Variants in PIBF1 observed in about 807,000 individuals in gnomAD.
The protein encoded by PIBF1 is progesterone-induced-blocking factor 1.
Under a neutral mutation model 112.5 loss-of-function variants are expected in PIBF1, and 90 were observed. The observed-to-expected ratio is 0.80, with a 90% CI of 0.67 to 0.95. The LOEUF is 0.95. Among genes scored for constraint, PIBF1 ranks in the 40% least tolerant of loss-of-function variants. The pLI is 0.00. For missense variants in PIBF1, 915 were observed against 852.3 expected, an observed-to-expected ratio of 1.07 and a Z score of -0.92; for synonymous variants, 301 against 288.6, an observed-to-expected ratio of 1.04 and a Z score of -0.44.
chr13:72,816,897 C>T (rs565946962), intron 5 of PIBF1, among the ~76,000 whole-genome samples: 1 of 151,860 alleles, frequency 6.6e-6, no homozygotes, highest in African/African-American at 2.4e-5. Flanking sequence ...CAAGAGTTGT[C>T]TCTGGCAGCA....
intron 11 of PIBF1, among the ~76,000 whole-genome samples, chr13:72,900,121 A>T (rs2040428028): frequency 6.6e-6 from 1 of 152,206 alleles, no homozygotes; most frequent in Non-Finnish European, 1.5e-5. Flanking sequence ...AACAAATGGA[A>T]ACACATCCCA....
chr13:72,926,061 G>A (rs1466550113), intron 13 of PIBF1, among the ~76,000 whole-genome samples: 1 of 152,080 alleles, frequency 6.6e-6, no homozygotes, highest in Non-Finnish European at 1.5e-5. Flanking sequence ...TTTAGCTTCT[G>A]TATTTAGGTC....
At chr13:72,860,311 GT>G (rs1566370257) in intron 10 of PIBF1, among the ~76,000 whole-genome samples, 55 of 19,836 alleles carry the variant, frequency 2.8e-3, no homozygotes, top group East Asian at 0.011. Flanking sequence ...TTTTAGGGGT[GT>G]GTGTGTGTGT....
At chr13:72,800,136 A>C (rs1250738835) in intron 5 of PIBF1, among the ~76,000 whole-genome samples, 1 of 152,302 alleles carries the variant, frequency 6.6e-6, no homozygotes, top group African/African-American at 2.4e-5. Flanking sequence ...CCTGCGTTCA[A>C]GTGATTCTCG....
intron 14 of PIBF1, among the ~76,000 whole-genome samples, chr13:72,955,266 A>G (rs1032259543): frequency 6.6e-6 from 1 of 152,108 alleles, no homozygotes; most frequent in Non-Finnish European, 1.5e-5. Context: ...GTTATGGTTC[A>G]TTCTGGGAAA....
At chr13:72,878,132 A>G (rs2039485689) in intron 10 of PIBF1, among the ~76,000 whole-genome samples, 3 of 150,966 alleles carry the variant, frequency 2.0e-5, no homozygotes, top group South Asian at 4.2e-4. Context: ...TTTTTTTTTC[A>G]AAGAACCACT....
chr13:72,963,791 T>G (rs2042668825), intron 14 of PIBF1, among the ~76,000 whole-genome samples: 1 of 152,068 alleles, frequency 6.6e-6, no homozygotes. Context: ...AAGACTTCTC[T>G]CCAAAGAAGA....
At chr13:72,946,892 A>G (rs2042163356) in intron 14 of PIBF1, among the ~76,000 whole-genome samples, 1 of 152,178 alleles carries the variant, frequency 6.6e-6, no homozygotes, top group Non-Finnish European at 1.5e-5. Context: ...ATGGGCTGGC[A>G]GTGTCTACAA....
intron 5 of PIBF1, among the ~76,000 whole-genome samples, chr13:72,802,275 T>G (rs2035524520): frequency 6.6e-6 from 1 of 152,178 alleles, no homozygotes; most frequent in Admixed American, 6.5e-5. Flanking sequence ...AATGTTTTCT[T>G]TATTGAATTT....
intron 10 of PIBF1, among the ~76,000 whole-genome samples, chr13:72,889,626 C>T (rs961250619): frequency 2.0e-5 from 3 of 152,140 alleles, no homozygotes; most frequent in African/African-American, 7.2e-5. Context: ...TGCTTAACTT[C>T]TCTTGCCAGT....
chr13:72,954,467 A>C (rs2042386074), intron 14 of PIBF1, among the ~76,000 whole-genome samples: 1 of 152,208 alleles, frequency 6.6e-6, no homozygotes, highest in Non-Finnish European at 1.5e-5. Context: ...CTACAGCCTG[A>C]GTTACTGAGC....
chr13:72,845,194 G>A (rs1216582535), intron 9 of PIBF1, among the ~76,000 whole-genome samples: 1 of 151,056 alleles, frequency 6.6e-6, no homozygotes, highest in African/African-American at 2.4e-5. Flanking sequence ...CTGTTTCCGT[G>A]TGTTCTCATT....
chr13:72,845,365 A>G lies in PIBF1; in HGVS notation c.1224-8692A>G, dbSNP rs191563342. Among the ~76,000 whole-genome samples the G allele has an allele frequency of 2.3e-3, 345 of 152,116 alleles. 2 individuals carry two copies. The highest frequency in any genetic ancestry group is 4.0e-3 in the Non-Finnish European group (270 of 67,984). On this transcript the variant is annotated intron_variant, in intron 9 of 17. Coordinates refer to ENST00000326291, the MANE Select transcript of PIBF1 (RefSeq NM_006346.4). The stretch of plus-strand genomic sequence containing the variant: ...GTATTCCATGGTGTATATGTACCAC[A>G]TTTTCTTTATCCAGTCTATCATTGA...
At chr13:72,897,581 A>G (rs935807710) in intron 11 of PIBF1, among the ~76,000 whole-genome samples, 1 of 152,232 alleles carries the variant, frequency 6.6e-6, no homozygotes, top group Non-Finnish European at 1.5e-5. Context: ...AGACACACCT[A>G]ACACATAAGG....
chr13:72,885,020 G>A lies in PIBF1; in HGVS notation c.1323-8764G>A, dbSNP rs556586943. 3.9e-5 allele frequency among the ~76,000 whole-genome samples: 6 copies of A among 152,106 alleles called. No individual in the cohort carries two copies. In the East Asian group the frequency reaches 5.8e-4, roughly 15 times the overall value. ...TCTTGTAGGTAGGCTAGTGAGTCAC[G>A]CATAGATTCCTAAAATTGTGTATAA... On this transcript the variant is annotated intron_variant, in intron 10 of 17. Transcript: ENST00000326291.
intron 10 of PIBF1, among the ~76,000 whole-genome samples, chr13:72,888,399 T>C (rs1185148307): frequency 2.6e-5 from 4 of 152,162 alleles, no homozygotes; most frequent in African/African-American, 2.4e-5. Context: ...CCATATTTCA[T>C]ACACTTAGAG....
intron 9 of PIBF1, among the ~76,000 whole-genome samples, chr13:72,847,748 T>C (rs2037937953): frequency 6.6e-6 from 1 of 152,244 alleles, no homozygotes; most frequent in African/African-American, 2.4e-5. Flanking sequence ...TTCGTTTTTA[T>C]GTCCTGCTCA....
At chr13:72,809,359 C>T (rs2035892936) in intron 5 of PIBF1, among the ~76,000 whole-genome samples, 4 of 151,392 alleles carry the variant, frequency 2.6e-5, no homozygotes, top group Admixed American at 2.6e-4. Context: ...ATTTGTGTTC[C>T]ATAATATGTA....
chr13:72,881,757 T>C (rs1173471538), intron 10 of PIBF1, among the ~76,000 whole-genome samples: 2 of 147,720 alleles, frequency 1.4e-5, no homozygotes, highest in African/African-American at 5.0e-5. Context: ...CAATGAAAAC[T>C]ATAAAACACT....
Sources: gnomAD v4.1 joint callset for allele counts (sites outside exome capture counted in the v4.1 genomes callset) on GRCh38, gnomAD v4.1.1 for gene constraint, MANE v1.5 for transcripts, NCBI Gene and HGNC (gene_info 2026-07-23, HGNC 2026-07-21) for gene names.